Variants in KCNAB1 observed in about 807,000 individuals in gnomAD.
The protein encoded by KCNAB1 is voltage-gated potassium channel subunit beta-1.
In KCNAB1, 35 loss-of-function variants were observed where a neutral mutation model predicts 64.6. The ratio of observed to expected loss-of-function variants is 0.54; its 90% confidence interval spans 0.41 to 0.72. KCNAB1 has a LOEUF of 0.72. Ranked by LOEUF, KCNAB1 falls within the 30% of genes least tolerant of loss-of-function variation. The pLI, the probability that KCNAB1 is intolerant of heterozygous loss-of-function variation, is 0.00. For synonymous variants in KCNAB1, 177 were observed against 183.8 expected (o/e 0.96, Z 0.30); for missense variants, 401 against 512.9 (o/e 0.78, Z 2.11).
At chr3:156,161,596 G>A (rs1304660655) in intron 1 of KCNAB1, among the ~76,000 whole-genome samples, 6 of 152,110 alleles carry the variant, frequency 3.9e-5, no homozygotes, top group Admixed American at 1.3e-4. Context: ...TAGTAATTCA[G>A]TTTCGTCCAT....
chr3:156,385,395 C>A (rs1264843511), intron 1 of KCNAB1, among the ~76,000 whole-genome samples: 2 of 151,066 alleles, frequency 1.3e-5, no homozygotes, highest in Middle Eastern at 3.2e-3. Flanking sequence ...GAGAAGAAAC[C>A]AGTCTGTGTT....
intron 1 of KCNAB1, among the ~76,000 whole-genome samples, chr3:156,312,729 A>AAAAAAAAAC (rs1560189800): frequency 6.7e-6 from 1 of 150,096 alleles, no homozygotes; most frequent in Non-Finnish European, 1.5e-5. Flanking sequence ...AAAAAAAAAA[A>AAAAAAAAAC]AACTCATAAT....
At chr3:156,472,273 C>T (rs185216511) in intron 7 of KCNAB1, among the ~76,000 whole-genome samples, 63 of 152,336 alleles carry the variant, frequency 4.1e-4, no homozygotes, top group Admixed American at 2.3e-3. Flanking sequence ...CAAATGTGTA[C>T]ACCTCTCACT....
intron 1 of KCNAB1, among the ~76,000 whole-genome samples, chr3:156,194,441 A>T (rs1445052795): frequency 1.3e-5 from 2 of 151,986 alleles, no homozygotes; most frequent in African/African-American, 4.8e-5. Flanking sequence ...ATCTATTCTC[A>T]TTCTTATGCT....
chr3:156,430,848 A>G (rs1053555687), intron 2 of KCNAB1, among the ~76,000 whole-genome samples: 7 of 152,296 alleles, frequency 4.6e-5, no homozygotes, highest in South Asian at 4.1e-4. Context: ...TTCAGGCAGT[A>G]GTCAGGTGAT....
chr3:156,355,952 A>G (rs1725203646), intron 1 of KCNAB1, among the ~76,000 whole-genome samples: 1 of 151,936 alleles, frequency 6.6e-6, no homozygotes, highest in Non-Finnish European at 1.5e-5. Context: ...TCCTGTTTCT[A>G]CAAAAACTAA....
At position 156,508,095 on chromosome 3, in the gene KCNAB1, A is replaced by G. The variant is rs1716944216; in HGVS notation, c.659-6269A>G. ...GCATGTTTTTTCTCAGTATTTTGCA[A>G]GCATATTTAAAATATTTATAATTGT... On this transcript the variant is annotated intron_variant, in intron 8 of 13. Transcript: ENST00000490337. This position sits in a 1 kb window ranked among gnomAD's most constrained non-coding sequence, Gnocchi z 4.1. Among the ~76,000 whole-genome samples the G allele has an allele frequency of 1.3e-5, 2 of 152,178 alleles. No individual in the cohort carries two copies. The highest frequency in any genetic ancestry group is 2.9e-5 in the Non-Finnish European group (2 of 68,026).
intron 13 of KCNAB1, among the ~76,000 whole-genome samples, chr3:156,536,141 T>C (rs1274633689): frequency 1.3e-5 from 2 of 152,338 alleles, no homozygotes; most frequent in East Asian, 1.9e-4. Flanking sequence ...AGACCTGTGC[T>C]GTGTACTACT....
chr3:156,226,895 A>C (rs1464838626), intron 1 of KCNAB1, among the ~76,000 whole-genome samples: 2 of 152,234 alleles, frequency 1.3e-5, no homozygotes, highest in South Asian at 2.1e-4. Context: ...TGATCAAGAG[A>C]GTATTTTGAC....
intron 1 of KCNAB1, among the ~76,000 whole-genome samples, chr3:156,236,512 C>A (rs1716857766): frequency 1.3e-5 from 2 of 152,140 alleles, no homozygotes; most frequent in Admixed American, 1.3e-4. Context: ...AAGTCTATGA[C>A]CGTGGAGGGA....
intron 1 of KCNAB1, among the ~76,000 whole-genome samples, chr3:156,137,507 CAG>C (rs1560102893): frequency 6.6e-6 from 1 of 151,680 alleles, no homozygotes; most frequent in Non-Finnish European, 1.5e-5. Flanking sequence ...CAATGAATGA[CAG>C]AGACATTTAA....
At chr3:156,370,814 A>G (rs1326208273) in intron 1 of KCNAB1, among the ~76,000 whole-genome samples, 2 of 152,240 alleles carry the variant, frequency 1.3e-5, no homozygotes, top group African/African-American at 4.8e-5. Context: ...GCTCACATAC[A>G]GGGGAGAGAT....
At chr3:156,454,082 T>C (rs1712209571) in intron 3 of KCNAB1, among the ~76,000 whole-genome samples, 1 of 152,216 alleles carries the variant, frequency 6.6e-6, no homozygotes, top group Non-Finnish European at 1.5e-5. Flanking sequence ...CTTAACTGTA[T>C]ATTCTTGTCC....
chr3:156,149,558 G>T (rs577196982), intron 1 of KCNAB1, among the ~76,000 whole-genome samples: 1 of 152,244 alleles, frequency 6.6e-6, no homozygotes, highest in South Asian at 2.1e-4. Context: ...CTCTCTGTGG[G>T]TTCTGTCACA....
chr3:156,319,887 C>G (rs1362917856), intron 1 of KCNAB1, among the ~76,000 whole-genome samples: 1 of 152,090 alleles, frequency 6.6e-6, no homozygotes. Flanking sequence ...ATTGTAAGTA[C>G]CATGTTACTA....
intron 1 of KCNAB1, among the ~76,000 whole-genome samples, chr3:156,122,107 G>A (rs748976226): frequency 5.3e-5 from 8 of 152,134 alleles, no homozygotes; most frequent in Admixed American, 2.6e-4. Context: ...GGTATTCATG[G>A]CCAGAGTGGT....
chr3:156,163,173 A>G (rs1362329819), intron 1 of KCNAB1, among the ~76,000 whole-genome samples: 2 of 152,244 alleles, frequency 1.3e-5, no homozygotes, highest in East Asian at 1.9e-4. Flanking sequence ...GGCATTACCC[A>G]TATCTCAAGT....
At chr3:156,278,377 AT>A (rs1719476929) in intron 1 of KCNAB1, among the ~76,000 whole-genome samples, 1 of 152,198 alleles carries the variant, frequency 6.6e-6, no homozygotes, top group Non-Finnish European at 1.5e-5. Flanking sequence ...GTGAAGATAA[AT>A]GTTTATGTAA....
chr3:156,352,165 G>A (rs1724904546), intron 1 of KCNAB1, among the ~76,000 whole-genome samples: 1 of 152,196 alleles, frequency 6.6e-6, no homozygotes. Context: ...TCCGCCCCTA[G>A]CTCACCCTAG....
Sources: allele counts gnomAD v4.1 joint callset (sites outside exome capture counted in the v4.1 genomes callset), GRCh38; gene constraint gnomAD v4.1.1; non-coding constraint Gnocchi (gnomAD v3.1); transcripts MANE v1.5; gene names NCBI Gene and HGNC (gene_info 2026-07-23, HGNC 2026-07-21).